The following EBF3 variants were observed in gnomAD, a reference collection of about 807,000 sequenced individuals.
The protein encoded by EBF3 is EBF transcription factor 3.
In EBF3, 18 loss-of-function variants were observed where a neutral mutation model predicts 77.1. That is an observed-to-expected ratio of 0.23 (90% confidence interval 0.16 to 0.35). EBF3 has a LOEUF of 0.35. Among genes scored for constraint, EBF3 ranks in the 10% least tolerant of loss-of-function variants. The probability of loss-of-function intolerance (pLI) is 1.00; values close to 1 mark genes in which losing one functional copy is unlikely to be tolerated. For synonymous variants in EBF3, 350 were observed against 343.5 expected, an observed-to-expected ratio of 1.02 and a Z score of -0.21; for missense variants, 558 against 860.0, an observed-to-expected ratio of 0.65 and a Z score of 4.39.
Position 129,842,135 on chromosome 10 carries a change from C to G in EBF3, c.1353G>C (p.Thr451=). 6.2e-7 allele frequency: 1 copy of G among 1,614,228 alleles called. No homozygotes were observed. The highest frequency in any genetic ancestry group is 8.5e-7 in the Non-Finnish European group (1 of 1,180,050). ...GCATACCTTGGTCGTTGGCTTGTGA[C>G]GTCTCTGACACGTTGACGGCTAGCT... ...SSQLAVNVSE[T]SQANDQVGYS... The change falls in exon 13 of 17, where the codon ACG becomes ACC. Residue 451 remains threonine, a synonymous_variant. Transcript: ENST00000440978. The surrounding 1 kb of genome is among the most constrained non-coding windows in gnomAD (Gnocchi z 4.4).
chr10:129,909,235 C>A (rs919174600), intron 6 of EBF3, among the ~76,000 whole-genome samples: 1 of 152,200 alleles, frequency 6.6e-6, no homozygotes, highest in Admixed American at 6.5e-5. Flanking sequence ...GAGGGATAGG[C>A]CCTCTGCATG....
intron 6 of EBF3, among the ~76,000 whole-genome samples, chr10:129,918,173 G>A (rs1416541564): frequency 1.3e-5 from 2 of 152,228 alleles, no homozygotes; most frequent in Non-Finnish European, 2.9e-5. Context: ...TCCTGAGGCC[G>A]AGGGCTCCCA....
intron 4 of EBF3, among the ~76,000 whole-genome samples, chr10:129,959,910 A>G (rs1041579306): frequency 6.6e-6 from 1 of 152,160 alleles, no homozygotes; most frequent in African/African-American, 2.4e-5. Flanking sequence ...AACTGCTAAC[A>G]GTGATTTTTC....
At position 129,879,689 on chromosome 10, in the gene EBF3, A is replaced by C. The variant is rs748363319; in HGVS notation, c.555-1840T>G. 6.6e-6 allele frequency among the ~76,000 whole-genome samples: 1 copy of C among 152,174 alleles called. No homozygotes were observed. Among genetic ancestry groups the C allele is most frequent in the Non-Finnish European group, 1.5e-5 (1 of 68,032 alleles). On this transcript the variant is annotated intron_variant, in intron 6 of 16. Coordinates refer to ENST00000440978, the MANE Select transcript of EBF3 (RefSeq NM_001375380.1). The surrounding 1 kb of genome is among the most constrained non-coding windows in gnomAD (Gnocchi z 4.7). ...ACACCATCTGCCATCAGCATACAGT[A>C]AGTCACTTGATATTCCACCCACCAA...
chr10:129,840,712 ACGCCCAG>A, intron 14 of EBF3, 125 bp downstream of exon 14: 1 of 1,327,844 alleles, frequency 7.5e-7, no homozygotes, highest in Middle Eastern at 2.5e-4. Flanking sequence ...CGCCATTTGG[ACGCCCAG>A]CCTCCAGGGC....
chr10:129,841,373 G>C lies in EBF3; in HGVS notation c.1373-341C>G, dbSNP rs1394312876. Among the ~76,000 whole-genome samples the C allele has an allele frequency of 1.3e-5, 2 of 152,162 alleles. No homozygotes were observed. Among genetic ancestry groups the C allele is most frequent in the East Asian group, 3.9e-4 (2 of 5,180 alleles). ...GCTCTGTGAACTTTCGGCCTCTGTA[G>C]ACCTTCAAATGCCATGACTGACAAG... On this transcript the variant is annotated intron_variant, in intron 13 of 16. Coordinates refer to ENST00000440978, the MANE Select transcript of EBF3 (RefSeq NM_001375380.1). The surrounding 1 kb of genome is among the most constrained non-coding windows in gnomAD (Gnocchi z 4.6).
intron 6 of EBF3, among the ~76,000 whole-genome samples, chr10:129,881,753 C>T (rs1255391531): frequency 2.6e-5 from 4 of 152,100 alleles, no homozygotes; most frequent in Non-Finnish European, 5.9e-5. Flanking sequence ...ACAGTCGGGC[C>T]CTGTGCCGGG....
In EBF3 at chr10:129,879,841, A is replaced by G. The variant is rs575584316; in HGVS notation, c.555-1992T>C. 6.6e-6 allele frequency among the ~76,000 whole-genome samples: 1 copy of G among 152,324 alleles called. No homozygotes were observed. The highest frequency in any genetic ancestry group is 2.1e-4 in the South Asian group (1 of 4,828). On this transcript the variant is annotated intron_variant, in intron 6 of 16. Coordinates refer to ENST00000440978, the MANE Select transcript of EBF3 (RefSeq NM_001375380.1). The surrounding 1 kb of genome is among the most constrained non-coding windows in gnomAD (Gnocchi z 4.7). Reference sequence around the variant, plus strand: ...GCCTAACAAGGTGAGGGCGCCACCAAGTTATCGTCCTGTCAGGCAATTAGG... The same window carrying G: ...GCCTAACAAGGTGAGGGCGCCACCAGGTTATCGTCCTGTCAGGCAATTAGG...
In EBF3 at chr10:129,870,538, G is replaced by A. The variant is rs527527472; in HGVS notation, c.782-2626C>T. Among the ~76,000 whole-genome samples the A allele has an allele frequency of 7.2e-5, 11 of 152,240 alleles. No homozygotes were observed. Among genetic ancestry groups the A allele is most frequent in the South Asian group, 2.1e-4 (1 of 4,820 alleles). On this transcript the variant is annotated intron_variant, in intron 8 of 16. Coordinates refer to ENST00000440978, the MANE Select transcript of EBF3 (RefSeq NM_001375380.1). The surrounding 1 kb of genome is among the most constrained non-coding windows in gnomAD (Gnocchi z 4.4). ...AGGGTCCAGAGAAAGGAGGCGTGGC[G>A]AGTCTCCCCTGCGGATCTGACATGC...
intron 6 of EBF3, among the ~76,000 whole-genome samples, chr10:129,925,258 TG>T (rs1289693780): frequency 7.5e-6 from 1 of 132,668 alleles, no homozygotes; most frequent in Non-Finnish European, 1.6e-5. Context: ...GGTGTGAGGG[TG>T]GGGGTGCAAG....
At chr10:129,936,358 A>ATC (rs1384649338) in intron 6 of EBF3, among the ~76,000 whole-genome samples, 1 of 152,140 alleles carries the variant, frequency 6.6e-6, no homozygotes, top group African/African-American at 2.4e-5. Context: ...AGGCCAGTGC[A>ATC]TCTCTCTCTG....
intron 5 of EBF3, 43 bp downstream of exon 5, chr10:129,958,891 C>T: frequency 1.9e-6 from 3 of 1,574,332 alleles, no homozygotes; most frequent in Non-Finnish European, 1.7e-6. Flanking sequence ...GCAGCTGGCG[C>T]CGAGGCAGCC....
At chr10:129,838,711 G>A (rs1849787929) in intron 16 of EBF3, among the ~76,000 whole-genome samples, 1 of 152,208 alleles carries the variant, frequency 6.6e-6, no homozygotes, top group African/African-American at 2.4e-5. Flanking sequence ...CGCTGGTGTT[G>A]TTTAATTTTT....
chr10:129,864,953 G>C lies in EBF3; in HGVS notation c.1039+2188C>G, dbSNP rs193243572. Among the ~76,000 whole-genome samples, 1 of 152,184 alleles carries C rather than the reference G, an allele frequency of 6.6e-6. No homozygotes were observed. The highest frequency in any genetic ancestry group is 6.5e-5 in the Admixed American group (1 of 15,284). ...TAGACACTGTACATAAGTCATCCCC[G>C]ATCCTTGCCAAAACCTTGCCAGATA... On this transcript the variant is annotated intron_variant, in intron 10 of 16. Coordinates refer to ENST00000440978, the MANE Select transcript of EBF3 (RefSeq NM_001375380.1). This position sits in a 1 kb window ranked among gnomAD's most constrained non-coding sequence, Gnocchi z 4.4.
intron 5 of EBF3, among the ~76,000 whole-genome samples, chr10:129,957,918 T>C (rs1323975109): frequency 1.3e-5 from 2 of 152,246 alleles, no homozygotes; most frequent in Non-Finnish European, 2.9e-5. Context: ...ACTTGTATAA[T>C]GGTTACATGT....
intron 6 of EBF3, among the ~76,000 whole-genome samples, chr10:129,924,140 C>T (rs998721286): frequency 4.6e-5 from 7 of 152,146 alleles, no homozygotes; most frequent in Non-Finnish European, 7.3e-5. Flanking sequence ...ACAGGCCAGG[C>T]GCAGAGGCTC....
At chr10:129,847,356 C>T (rs7917216) in intron 11 of EBF3, among the ~76,000 whole-genome samples, 2,881 of 152,222 alleles carry the variant, frequency 0.019, 100 homozygotes, top group African/African-American at 0.065. Context: ...CGATTCTTCC[C>T]GGGGAAACAC....
intron 6 of EBF3, among the ~76,000 whole-genome samples, chr10:129,906,954 A>T (rs1412428895): frequency 2.6e-5 from 4 of 152,112 alleles, no homozygotes; most frequent in African/African-American, 9.7e-5. Context: ...TCGAAAACCC[A>T]CCAGCATGGC....
At chr10:129,876,290 C>T (rs757068603) in intron 7 of EBF3, among the ~76,000 whole-genome samples, 2 of 152,222 alleles carry the variant, frequency 1.3e-5, no homozygotes, top group Non-Finnish European at 1.5e-5. Flanking sequence ...CTAGTAACTA[C>T]GGGGTCTGCA....
Sources: gnomAD v4.1 joint callset for allele counts (sites outside exome capture counted in the v4.1 genomes callset) on GRCh38, gnomAD v4.1.1 for gene constraint, Gnocchi (gnomAD v3.1) non-coding constraint, MANE v1.5 for transcripts, NCBI Gene and HGNC (gene_info 2026-07-23, HGNC 2026-07-21) for gene names.